THOC2: variants seen among roughly 807,000 people sequenced by gnomAD.
THOC2 encodes the protein THO complex 2.
In THOC2, 10 loss-of-function variants were observed where a neutral mutation model predicts 128.4. The ratio of observed to expected loss-of-function variants is 0.08; its 90% CI spans 0.05 to 0.13. The LOEUF is 0.13. Ranked by LOEUF, THOC2 falls within the 10% of genes least tolerant of loss-of-function variation. The probability of loss-of-function intolerance (pLI) is 1.00; values close to 1 mark genes in which losing one functional copy is unlikely to be tolerated. For missense variants in THOC2, 535 were observed against 1,155.7 expected, an observed-to-expected ratio of 0.46 and a Z score of 7.79; for synonymous variants, 393 against 396.9, an observed-to-expected ratio of 0.99 and a Z score of 0.12.
chrX:123,732,768 G>A (rs993020528), intron 1 of THOC2, among the ~76,000 whole-genome samples, 184 bp downstream of exon 1: 9 of 111,404 alleles, frequency 8.1e-5, no homozygotes, highest in South Asian at 3.8e-4. Flanking sequence ...AGGGAAGGAA[G>A]GAGGTCCGCG....
intron 9 of THOC2, 40 bp downstream of exon 9, chrX:123,671,629 G>T: frequency 3.2e-6 from 3 of 923,795 alleles, no homozygotes; most frequent in African/African-American, 1.9e-5. Context: ...CTACCCTTGG[G>T]ACAGACAATC....
intron 1 of THOC2, among the ~76,000 whole-genome samples, chrX:123,723,763 T>C (rs748991872): frequency 9.0e-5 from 10 of 111,695 alleles, no homozygotes; most frequent in Admixed American, 3.8e-4. Context: ...TATTGGGTAA[T>C]GACACTGCAA....
chrX:123,690,985 G>A (rs1014726898), intron 7 of THOC2, among the ~76,000 whole-genome samples: 2 of 112,214 alleles, frequency 1.8e-5, no homozygotes, highest in East Asian at 2.8e-4. Context: ...GCCAAGGCAG[G>A]TAGATAGCTT....
Position 123,658,568 on chromosome X carries a change from A to C in THOC2, c.1386+7074T>G, listed in dbSNP as rs753727142. Among the ~76,000 whole-genome samples the C allele has an allele frequency of 1.8e-3, 202 of 112,443 alleles. 2 individuals carry two copies. The highest frequency in any genetic ancestry group is 6.2e-3 in the African/African-American group (192 of 31,007). ...AGACACAGAGGAAACCTAAATGTGT[A>C]TAATTTTACTAAGTGAAAGAAAACA... On this transcript the variant is annotated intron_variant, in intron 12 of 38. Coordinates refer to ENST00000245838, the MANE Select transcript of THOC2 (RefSeq NM_001081550.2).
At chrX:123,667,770 A>C (rs891844654) in intron 10 of THOC2, among the ~76,000 whole-genome samples, 9 of 109,934 alleles carry the variant, frequency 8.2e-5, no homozygotes, top group Non-Finnish European at 1.7e-4. Flanking sequence ...AAAAAAAAAA[A>C]CAGACACAGG....
chrX:123,678,519 G>A (rs1411132337), intron 8 of THOC2, among the ~76,000 whole-genome samples: 2 of 109,948 alleles, frequency 1.8e-5, no homozygotes, highest in Non-Finnish European at 3.8e-5. Context: ...CACCCACCTC[G>A]GCTTCCCAAA....
chrX:123,669,133 A>G (rs1169797153), intron 9 of THOC2, among the ~76,000 whole-genome samples: 1 of 108,581 alleles, frequency 9.2e-6, no homozygotes, highest in Admixed American at 9.9e-5. Context: ...ATGAACTATT[A>G]AACATTATAG....
In THOC2 at chrX:123,611,593, C is replaced by T. The variant is rs1463153499; in HGVS notation, c.4678-77G>A. Reference sequence around the variant, plus strand: ...CAGCTCAAAACCCCTTTTCATCACCCGCGAGCTATATTTGTCTTCAAAAAC... The same window carrying T: ...CAGCTCAAAACCCCTTTTCATCACCTGCGAGCTATATTTGTCTTCAAAAAC... On this transcript the variant is annotated intron_variant, in intron 36 of 38. Coordinates refer to ENST00000245838, the MANE Select transcript of THOC2 (RefSeq NM_001081550.2). The T allele has an allele frequency of 2.4e-5, 15 of 628,682 alleles. No homozygotes were observed. The South Asian group carries it at 3.3e-4, about 14-fold the overall frequency. The allele number at this position is 628,682 out of a possible 1,213,427, so 51.8% of individuals were successfully genotyped here.
chrX:123,700,013 T>A (rs2050623647), intron 4 of THOC2, among the ~76,000 whole-genome samples: 1 of 111,204 alleles, frequency 9.0e-6, no homozygotes. Flanking sequence ...TATCCCTGAC[T>A]CCTTTACCTC....
intron 17 of THOC2, 30 bp downstream of exon 17, chrX:123,638,904 A>T: frequency 1.2e-6 from 1 of 840,772 alleles, no homozygotes; most frequent in South Asian, 2.6e-5. Context: ...TAAATATGAA[A>T]TCTACATATT....
Position 123,696,911 on chromosome X carries a change from C to T in THOC2, c.346-69G>A. 3 of 802,028 alleles carry T rather than the reference C, an allele frequency of 3.7e-6. No homozygotes were observed. In the Admixed American group the frequency reaches 1.2e-4, roughly 31 times the overall value. The allele number at this position is 802,028 out of a possible 1,213,427, so 66.1% of individuals were successfully genotyped here. A position where few individuals can be genotyped will look rare whatever the true frequency, so the allele number is the denominator to read the frequency against. ...ATCCACAATGTTAAATATATTCAAA[C>T]TAAAGCTTCCTAAATAAGAATACAA... On this transcript the variant is annotated intron_variant, in intron 5 of 38. Transcript: ENST00000245838.
At position 123,600,692 on chromosome X, in the gene THOC2, T is replaced by A; in HGVS notation, c.*665A>T. Reference sequence around the variant, plus strand: ...AGATGAAAGTTCAGCAATACAAAGCTCCTACAGCTGTAGAATTAAAACAAT... The same window carrying A: ...AGATGAAAGTTCAGCAATACAAAGCACCTACAGCTGTAGAATTAAAACAAT... On this transcript the variant is annotated 3_prime_UTR_variant, in exon 39 of 39. Coordinates refer to ENST00000245838, the MANE Select transcript of THOC2 (RefSeq NM_001081550.2). 8.9e-6 allele frequency: 1 copy of A among 112,291 alleles called. No homozygotes were observed. Among genetic ancestry groups the A allele is most frequent in the South Asian group, 3.7e-4 (1 of 2,711 alleles). 9.3% of individuals were successfully genotyped at this position (112,291 alleles called of 1,213,427 possible).
At chrX:123,664,325 G>C in intron 12 of THOC2, among the ~76,000 whole-genome samples, 1 of 112,087 alleles carries the variant, frequency 8.9e-6, no homozygotes, top group Non-Finnish European at 1.9e-5. Flanking sequence ...AACACAAAAA[G>C]CAATGGCAAC....
At chrX:123,603,357 C>T (rs2046354856) in intron 38 of THOC2, 2 of 280,233 alleles carry the variant, frequency 7.1e-6, no homozygotes, top group East Asian at 1.3e-4. Flanking sequence ...TATAGGAGTT[C>T]ACACACAAAG....
chrX:123,658,005 G>A (rs1426170193), intron 12 of THOC2, among the ~76,000 whole-genome samples: 4 of 96,997 alleles, frequency 4.1e-5, no homozygotes, highest in Admixed American at 3.5e-4. Flanking sequence ...GTGTGTGTGT[G>A]TATAAGCAAA....
chrX:123,657,060 A>G (rs2048624984), intron 12 of THOC2, among the ~76,000 whole-genome samples: 1 of 111,772 alleles, frequency 8.9e-6, no homozygotes, highest in African/African-American at 3.3e-5. Flanking sequence ...ATTTTAAGAA[A>G]AAATAAAAAA....
At chrX:123,609,624 T>C (rs952180952) in intron 38 of THOC2, among the ~76,000 whole-genome samples, 7 of 111,863 alleles carry the variant, frequency 6.3e-5, no homozygotes, top group Non-Finnish European at 1.3e-4. Flanking sequence ...GGGGGAGGTA[T>C]AGACAAGCAA....
chrX:123,721,663 G>A (rs1180472665), intron 1 of THOC2, among the ~76,000 whole-genome samples: 3 of 108,309 alleles, frequency 2.8e-5, no homozygotes, highest in African/African-American at 1.0e-4. Flanking sequence ...GTGCATGCCT[G>A]TAGTCCCAGC....
At chrX:123,698,069 T>C (rs1317746110) in intron 4 of THOC2, among the ~76,000 whole-genome samples, 1 of 106,921 alleles carries the variant, frequency 9.4e-6, no homozygotes, top group Non-Finnish European at 1.9e-5. Context: ...AAAGTTTAAA[T>C]GACCACTTGT....
Sources: gnomAD v4.1 joint callset for allele counts (sites outside exome capture counted in the v4.1 genomes callset) on GRCh38, gnomAD v4.1.1 for gene constraint, MANE v1.5 for transcripts, NCBI Gene and HGNC (gene_info 2026-07-23, HGNC 2026-07-21) for gene names.